The following CALD1 variants were observed in gnomAD, a reference collection of about 807,000 sequenced individuals.
CALD1 encodes caldesmon.
A neutral mutation model predicts 99.9 loss-of-function variants in CALD1; 33 were observed. The observed-to-expected ratio is 0.33, with a 90% confidence interval of 0.25 to 0.44. The LOEUF is 0.44. CALD1 is among the 20% of genes least tolerant of loss of function. The pLI, the probability that CALD1 is intolerant of heterozygous loss-of-function variation, is 1.00. For synonymous variants in CALD1, 310 were observed against 325.0 expected (o/e 0.95, Z 0.50); for missense variants, 861 against 962.1 (o/e 0.89, Z 1.39).
At chr7:134,935,569 G>A (rs1002290359) in intron 5 of CALD1, 119 bp from the exon 6 acceptor site, 30 of 1,478,914 alleles carry the variant, frequency 2.0e-5, no homozygotes, top group Admixed American at 8.3e-5. Flanking sequence ...GCGCTGAGAC[G>A]GCAGAAGAGA....
intron 2 of CALD1, among the ~76,000 whole-genome samples, chr7:134,865,894 G>GAT (rs1334014453): frequency 4.6e-5 from 7 of 152,198 alleles, no homozygotes; most frequent in Admixed American, 4.6e-4. Flanking sequence ...CTTAGAGGAT[G>GAT]CTCTTCAAGC....
rs542527726 is a variant in CALD1, at chr7:134,933,043, G to C, written c.274G>C (p.Asp92His). The C allele has an allele frequency of 2.5e-6, 4 of 1,613,858 alleles. No individual in the cohort carries two copies. Among genetic ancestry groups the C allele is most frequent in the Non-Finnish European group, 3.4e-6 (4 of 1,179,964 alleles). The change falls in exon 5 of 15, where the codon GAT (aspartate) becomes CAT (histidine). Residue 92 changes from aspartate (D) to histidine (H), a missense_variant. Transcript: ENST00000361675. ...TTTNTQVEGD[D>H]EAAFLERLAR... ...CACAAACACTCAAGTGGAAGGGGATGATGAGGCCGCATTCCTGGAGCGCCT... is the reference window on the plus strand; with the variant it reads ...CACAAACACTCAAGTGGAAGGGGATCATGAGGCCGCATTCCTGGAGCGCCT...
chr7:134,857,158 CTTTTTTTTTTT>C (rs59210460), intron 2 of CALD1, among the ~76,000 whole-genome samples: 3 of 75,354 alleles, frequency 4.0e-5, no homozygotes, highest in South Asian at 5.1e-4. Context: ...TTGCGCTATT[CTTTTTTTTTTT>C]TTTTTTTTTT....
At chr7:134,712,117 G>A in the CALD1 span, among the ~76,000 whole-genome samples, 2 of 151,896 alleles carry the variant, frequency 1.3e-5, no homozygotes, top group Non-Finnish European at 2.9e-5. Flanking sequence ...GAGGCTTGAG[G>A]CAAGATTCTG....
chr7:134,720,327 C>T, the CALD1 span, among the ~76,000 whole-genome samples: 1 of 152,030 alleles, frequency 6.6e-6, no homozygotes, highest in Non-Finnish European at 1.5e-5. Context: ...AAAAAACTGA[C>T]GGCTGCTAAT....
At position 134,934,042 on chromosome 7, in the gene CALD1, G is replaced by A. The variant is rs769014173; in HGVS notation, c.1273G>A (p.Glu425Lys). The A allele has an allele frequency of 2.5e-6, 4 of 1,612,402 alleles. No homozygotes were observed. The Admixed American group carries it at 5.0e-5, about 20-fold the overall frequency. Reference sequence around the variant, plus strand: ...ATGGGTAAATGAAAAGAAAGCACAAGAAGATAAACTTCAGACAGCTGTCCT... The same window carrying A: ...ATGGGTAAATGAAAAGAAAGCACAAAAAGATAAACTTCAGACAGCTGTCCT... The part of the protein sequence containing the change: ...GKWVNEKKAQ[E>K]DKLQTAVLKK... The change falls in exon 5 of 15, where the codon GAA becomes AAA. Residue 425 changes from glutamate to lysine, a missense_variant. Physicochemically the swap from Glu to Lys is moderately conservative, Grantham distance 56. Coordinates refer to ENST00000361675, the MANE Select transcript of CALD1 (RefSeq NM_033138.4).
At chr7:134,865,036 CCT>C (rs1251180115) in intron 2 of CALD1, among the ~76,000 whole-genome samples, 3 of 152,108 alleles carry the variant, frequency 2.0e-5, no homozygotes, top group South Asian at 4.2e-4. Flanking sequence ...ATGGAATCAC[CCT>C]GTCTTGACTT....
chr7:134,751,665 A>AC (rs1796686798), intron 1 of CALD1, among the ~76,000 whole-genome samples: 1 of 18,304 alleles, frequency 5.5e-5, no homozygotes, highest in Admixed American at 8.2e-4. Context: ...TTGTTGGTAG[A>AC]AAAAATGATC....
chr7:134,756,422 A>G lies in CALD1; in HGVS notation c.-130+12059A>G, dbSNP rs114079607. 2.6e-3 allele frequency among the ~76,000 whole-genome samples: 397 copies of G among 152,030 alleles called. 3 individuals are homozygous for G. The highest frequency in any genetic ancestry group is 8.9e-3 in the African/African-American group (371 of 41,488). ...ATTCTGTTCTTATGATTAAAATTAT[A>G]TTTGGAGAAATTATTCATTTAGCTA... On this transcript the variant is annotated intron_variant, in intron 1 of 13. Transcript: ENST00000417172.
chr7:134,820,199 G>T (rs1435039537), intron 1 of CALD1, among the ~76,000 whole-genome samples: 6 of 152,148 alleles, frequency 3.9e-5, no homozygotes, highest in Non-Finnish European at 7.3e-5. Context: ...GATGAGGGTG[G>T]TCTGTCTACA....
intron 1 of CALD1, among the ~76,000 whole-genome samples, chr7:134,831,978 G>A (rs1799243799): frequency 6.6e-6 from 1 of 152,230 alleles, no homozygotes; most frequent in Non-Finnish European, 1.5e-5. Context: ...AAGAGAGAAG[G>A]TCGAGTGTCC....
chr7:134,766,976 T>C (rs1040532599), intron 1 of CALD1, among the ~76,000 whole-genome samples: 28 of 151,984 alleles, frequency 1.8e-4, no homozygotes, highest in African/African-American at 6.5e-4. Context: ...AGACTGGAGC[T>C]AAAAGAAACA....
At chr7:134,725,011 G>A in the CALD1 span, among the ~76,000 whole-genome samples, 2 of 152,212 alleles carry the variant, frequency 1.3e-5, no homozygotes, top group Non-Finnish European at 2.9e-5. Context: ...GGAGCCAAGA[G>A]GTGGGTGCAG....
intron 1 of CALD1, among the ~76,000 whole-genome samples, chr7:134,805,751 A>G (rs1798112869): frequency 6.6e-6 from 1 of 152,094 alleles, no homozygotes. Flanking sequence ...ATATCTCTAG[A>G]TCCTTTTTCT....
chr7:134,875,798 A>C (rs1801320809), intron 3 of CALD1, among the ~76,000 whole-genome samples: 1 of 152,234 alleles, frequency 6.6e-6, no homozygotes, highest in African/African-American at 2.4e-5. Flanking sequence ...TAAATTGCTT[A>C]TATGTGTAGG....
At chr7:134,872,531 A>G (rs1801146997) in intron 3 of CALD1, among the ~76,000 whole-genome samples, 1 of 152,108 alleles carries the variant, frequency 6.6e-6, no homozygotes, top group Non-Finnish European at 1.5e-5. Context: ...ATTTTGTCAT[A>G]AAAAGAAATA....
chr7:134,956,637 C>T (rs1487115399), intron 9 of CALD1, among the ~76,000 whole-genome samples: 3 of 152,158 alleles, frequency 2.0e-5, no homozygotes, highest in African/African-American at 7.2e-5. Flanking sequence ...TGTTTTAAGG[C>T]ACCCAGTCTA....
intron 1 of CALD1, among the ~76,000 whole-genome samples, chr7:134,766,021 G>T (rs1295685885): frequency 6.6e-6 from 1 of 151,498 alleles, no homozygotes; most frequent in Non-Finnish European, 1.5e-5. Flanking sequence ...ACCTGCTCCT[G>T]CTTTGCCTTC....
the CALD1 span, among the ~76,000 whole-genome samples, chr7:134,713,240 C>A: frequency 1.3e-5 from 2 of 152,218 alleles, no homozygotes; most frequent in Non-Finnish European, 2.9e-5. Flanking sequence ...CTGCCTAGAA[C>A]CTACACTTCA....
Sources: allele counts gnomAD v4.1 joint callset (sites outside exome capture counted in the v4.1 genomes callset), GRCh38; gene constraint gnomAD v4.1.1; transcripts MANE v1.5; gene names NCBI Gene and HGNC (gene_info 2026-07-23, HGNC 2026-07-21).